ERCC8: variants seen among roughly 807,000 people sequenced by gnomAD.
ERCC8 encodes DNA excision repair protein ERCC-8.
Under a neutral mutation model 54.9 loss-of-function variants are expected in ERCC8, and 52 were observed. The ratio of observed to expected loss-of-function variants is 0.95; its 90% CI spans 0.76 to 1.19. The LOEUF (loss-of-function observed/expected upper bound fraction) is 1.19, where lower values mean the gene tolerates loss of function less well. Among genes scored for constraint, ERCC8 ranks in the 50% most tolerant of loss-of-function variants. ERCC8 has a pLI of 0.00. For missense variants in ERCC8, 514 were observed against 466.1 expected, an observed-to-expected ratio of 1.10 and a Z score of -0.95; for synonymous variants, 146 against 157.2, an observed-to-expected ratio of 0.93 and a Z score of 0.53.
At chr5:60,904,941 T>A in intron 4 of ERCC8, 68 bp from the exon 5 acceptor site, 1 of 833,790 alleles carries the variant, frequency 1.2e-6, no homozygotes, top group Non-Finnish European at 2.0e-6. Context: ...AATTTTCTAT[T>A]TACTTTTTCC....
chr5:60,910,575 T>A (rs367600615), intron 4 of ERCC8, among the ~76,000 whole-genome samples: 1 of 152,194 alleles, frequency 6.6e-6, no homozygotes, highest in African/African-American at 2.4e-5. Flanking sequence ...AAGTTCTCTG[T>A]GTATTCGGAA....
chr5:60,902,616 G>T, intron 6 of ERCC8, 108 bp from the exon 7 acceptor site: 1 of 835,918 alleles, frequency 1.2e-6, no homozygotes, highest in Non-Finnish European at 2.1e-6. Context: ...AATATTCAAT[G>T]TGAATAGATA....
At chr5:60,876,040 C>T (rs1747995094) in intron 11 of ERCC8, among the ~76,000 whole-genome samples, 1 of 152,090 alleles carries the variant, frequency 6.6e-6, no homozygotes, top group African/African-American at 2.4e-5. Flanking sequence ...ACCCCCACCC[C>T]ACAACAGGTC....
rs1288402436 is a variant in ERCC8 at position 60,870,881 on chromosome 5, G to A, written c.*3734C>T. Among the ~76,000 whole-genome samples the A allele has an allele frequency of 9.2e-5, 14 of 152,050 alleles. No individual in the cohort carries two copies. On this transcript the variant is annotated 3_prime_UTR_variant, in exon 12 of 12. Coordinates refer to ENST00000676185, the MANE Select transcript of ERCC8 (RefSeq NM_000082.4). The stretch of plus-strand genomic sequence containing the variant: ...AATAAAAAAAGACATCAGATTTCTT[G>A]ACGAGATTAAGAAACTGTAAGTTTT...
chr5:60,877,792 A>T (rs370962511), intron 11 of ERCC8, among the ~76,000 whole-genome samples: 5,675 of 152,298 alleles, frequency 0.037, 124 homozygotes, highest in African/African-American at 0.052. Flanking sequence ...GGGGTTTTCT[A>T]GATATACAGT....
chr5:60,924,938 T>C (rs1749704248), intron 2 of ERCC8, among the ~76,000 whole-genome samples: 2 of 152,172 alleles, frequency 1.3e-5, no homozygotes, highest in African/African-American at 4.8e-5. Context: ...TATATGTTTA[T>C]AAAACAACTT....
At chr5:60,939,746 T>C (rs1316005063) in intron 1 of ERCC8, among the ~76,000 whole-genome samples, 1 of 152,228 alleles carries the variant, frequency 6.6e-6, no homozygotes, top group Non-Finnish European at 1.5e-5. Context: ...TCCACCTGCC[T>C]TGGCCTCCCA....
intron 3 of ERCC8, among the ~76,000 whole-genome samples, chr5:60,919,187 T>G (rs180672445): frequency 4.2e-4 from 64 of 152,142 alleles, no homozygotes; most frequent in South Asian, 1.0e-3. Context: ...AGTCTTTATC[T>G]TTTAGAGATA....
chr5:60,902,879 A>G (rs939825340), intron 6 of ERCC8, among the ~76,000 whole-genome samples: 1 of 151,982 alleles, frequency 6.6e-6, no homozygotes, highest in Non-Finnish European at 1.5e-5. Flanking sequence ...AATTTCTCAT[A>G]AAGTTATAAG....
chr5:60,880,256 C>T (rs1268119214), intron 11 of ERCC8, among the ~76,000 whole-genome samples: 1 of 152,198 alleles, frequency 6.6e-6, no homozygotes, highest in African/African-American at 2.4e-5. Context: ...GATGGGGTTC[C>T]GTTTGTGGGT....
rs530810074 is a variant in ERCC8, at chr5:60,884,532, T to G, written c.1122+2908A>C. 4.0e-4 allele frequency among the ~76,000 whole-genome samples: 61 copies of G among 150,784 alleles called. 1 individual carries two copies. The highest frequency in any genetic ancestry group is 1.5e-3 in the African/African-American group (60 of 41,086). On this transcript the variant is annotated intron_variant, in intron 11 of 11. Coordinates refer to ENST00000676185, the MANE Select transcript of ERCC8 (RefSeq NM_000082.4). ...GTATATGTGTGTATGTGTTTTTTTT[T>G]TTTTTGTTTTCTAGTGTGGTATACT... is the stretch of plus-strand genomic sequence containing the variant.
At chr5:60,881,139 T>C (rs1321057573) in intron 11 of ERCC8, among the ~76,000 whole-genome samples, 1 of 148,050 alleles carries the variant, frequency 6.8e-6, no homozygotes, top group Non-Finnish European at 1.5e-5. Context: ...CTCCAGACCG[T>C]TTGCCTGGCT....
At chr5:60,916,162 T>A (rs1202636066) in intron 4 of ERCC8, among the ~76,000 whole-genome samples, 5 of 152,082 alleles carry the variant, frequency 3.3e-5, no homozygotes, top group Admixed American at 2.6e-4. Flanking sequence ...CAGTGCAAGA[T>A]GTTAGGCTGA....
intron 11 of ERCC8, among the ~76,000 whole-genome samples, chr5:60,877,702 G>A: frequency 6.6e-6 from 1 of 152,142 alleles, no homozygotes; most frequent in Non-Finnish European, 1.5e-5. Context: ...GAATGCTTGT[G>A]ATTTTTGCAC....
chr5:60,899,765 A>G lies in ERCC8; in HGVS notation c.618-38T>C, dbSNP rs199607120. 5.5e-6 allele frequency: 8 copies of G among 1,462,526 alleles called. No individual in the cohort carries two copies. In the East Asian group the frequency reaches 1.1e-4, roughly 21 times the overall value. 90.6% of individuals were successfully genotyped at this position (1,462,526 alleles called of 1,614,324 possible). A position where few individuals can be genotyped will look rare whatever the true frequency, so the allele number is the denominator to read the frequency against. ...AAATGTTACATTGACATATGTAGCT[A>G]GGACAATGACTGTACCCCTCACCCA... On this transcript the variant is annotated intron_variant, in intron 7 of 11. Transcript: ENST00000676185.
chr5:60,942,127 T>C (rs915647863), intron 1 of ERCC8, among the ~76,000 whole-genome samples: 7 of 152,122 alleles, frequency 4.6e-5, no homozygotes, highest in African/African-American at 1.7e-4. Flanking sequence ...AACCATAGTA[T>C]ATAAAATAGA....
At chr5:60,932,770 G>A (rs1749946234) in intron 1 of ERCC8, among the ~76,000 whole-genome samples, 1 of 152,124 alleles carries the variant, frequency 6.6e-6, no homozygotes, top group African/African-American at 2.4e-5. Context: ...GGATGGTCTT[G>A]AGGACTTCCC....
intron 1 of ERCC8, among the ~76,000 whole-genome samples, chr5:60,940,945 A>C (rs2112550569): frequency 6.6e-6 from 1 of 152,330 alleles, no homozygotes; most frequent in South Asian, 2.1e-4. Context: ...AGACAAACAA[A>C]ACAAGCCAAA....
chr5:60,879,242 T>TA (rs773636209), intron 11 of ERCC8, among the ~76,000 whole-genome samples: 10 of 152,264 alleles, frequency 6.6e-5, no homozygotes, highest in Non-Finnish European at 1.0e-4. Flanking sequence ...GACCGTTTGC[T>TA]ATAATTTCTG....
Sources: gnomAD v4.1 joint callset for allele counts (sites outside exome capture counted in the v4.1 genomes callset) on GRCh38, gnomAD v4.1.1 for gene constraint, MANE v1.5 for transcripts, NCBI Gene and HGNC (gene_info 2026-07-23, HGNC 2026-07-21) for gene names.